TEX11: variants seen among roughly 807,000 people sequenced by gnomAD.
The protein encoded by TEX11 is testis-expressed protein 11.
TEX11 carries 7 observed loss-of-function variants against 84.4 expected under a neutral mutation model. That is an observed-to-expected ratio of 0.08 (90% CI 0.05 to 0.16). The LOEUF is 0.16. TEX11 is among the 10% of genes least tolerant of loss of function. The pLI is 1.00. For synonymous variants in TEX11, 264 were observed against 222.8 expected (o/e 1.18, Z -1.64); for missense variants, 551 against 660.5 (o/e 0.83, Z 1.82).
intron 13 of TEX11, among the ~76,000 whole-genome samples, chrX:70,698,249 G>A (rs949946399): frequency 1.8e-5 from 2 of 110,712 alleles, no homozygotes; most frequent in Admixed American, 9.7e-5. Flanking sequence ...TCACCCTATT[G>A]TGCTACTGAA....
At chrX:70,716,024 C>G (rs1161238831) in intron 13 of TEX11, among the ~76,000 whole-genome samples, 1 of 111,764 alleles carries the variant, frequency 8.9e-6, no homozygotes. Context: ...GGACCCTCAG[C>G]TGCAGGTGCA....
intron 9 of TEX11, among the ~76,000 whole-genome samples, chrX:70,805,503 C>T (rs766507229): frequency 6.8e-4 from 74 of 109,452 alleles, no homozygotes; most frequent in African/African-American, 2.3e-3. Context: ...CTGGTTCAAG[C>T]GATTCTCCTG....
At chrX:70,624,360 A>T (rs1342727556) in intron 19 of TEX11, among the ~76,000 whole-genome samples, 1 of 111,741 alleles carries the variant, frequency 8.9e-6, no homozygotes, top group African/African-American at 3.2e-5. Flanking sequence ...TCTGTAGAGG[A>T]ACTAGAACTG....
At chrX:70,628,377 A>G (rs2089472687) in intron 18 of TEX11, among the ~76,000 whole-genome samples, 1 of 111,645 alleles carries the variant, frequency 9.0e-6, no homozygotes, top group Non-Finnish European at 1.9e-5. Context: ...TTCCTTTAAA[A>G]AAACATTCTT....
chrX:70,623,739 G>C (rs2089420533), intron 20 of TEX11, among the ~76,000 whole-genome samples: 1 of 106,254 alleles, frequency 9.4e-6, no homozygotes, highest in South Asian at 4.0e-4. Context: ...CTTTACAGTT[G>C]GGGAAACTGA....
chrX:70,745,201 G>T (rs2090760965), intron 9 of TEX11, among the ~76,000 whole-genome samples: 1 of 109,412 alleles, frequency 9.1e-6, no homozygotes, highest in Non-Finnish European at 1.9e-5. Context: ...TGAGGGGTTG[G>T]GGAGCAGAGA....
At chrX:70,685,998 A>T (rs2090185622) in intron 13 of TEX11, among the ~76,000 whole-genome samples, 1 of 110,534 alleles carries the variant, frequency 9.0e-6, no homozygotes, top group South Asian at 3.9e-4. Context: ...GATTGCAAAA[A>T]TTTTTTCTCA....
At chrX:70,584,007 C>T (rs1354618566) in intron 25 of TEX11, among the ~76,000 whole-genome samples, 16 of 111,485 alleles carry the variant, frequency 1.4e-4, no homozygotes, top group Admixed American at 6.7e-4. Flanking sequence ...TGGCCGGGCG[C>T]GGTGGCTCAC....
intron 9 of TEX11, among the ~76,000 whole-genome samples, chrX:70,749,096 T>C (rs1004221035): frequency 9.5e-6 from 1 of 105,039 alleles, no homozygotes; most frequent in Non-Finnish European, 1.9e-5. Flanking sequence ...TTTTATTTCA[T>C]TGAGCAGTGG....
intron 13 of TEX11, among the ~76,000 whole-genome samples, chrX:70,699,283 G>T (rs1229083537): frequency 1.8e-5 from 2 of 111,537 alleles, no homozygotes; most frequent in East Asian, 5.6e-4. Context: ...GCCACTATCT[G>T]ACTGCAACCA....
chrX:70,847,346 T>C (rs1247178336), intron 7 of TEX11, among the ~76,000 whole-genome samples: 3 of 111,055 alleles, frequency 2.7e-5, no homozygotes, highest in Admixed American at 1.9e-4. Flanking sequence ...GAAACTGCTT[T>C]CTATGGTCAC....
rs572398725 is a variant in TEX11 at position 70,584,277 on chromosome X, G to A, written c.2140+7474C>T. Reference sequence around the variant, plus strand: ...CGCAGTCTGGCCTGGGCGACAGAGCGAGACTCCGTCTCAAAAAAAAAAAAA... The same window carrying A: ...CGCAGTCTGGCCTGGGCGACAGAGCAAGACTCCGTCTCAAAAAAAAAAAAA... On this transcript the variant is annotated intron_variant, in intron 25 of 29. Transcript: ENST00000374333. Among the ~76,000 whole-genome samples, 22 of 97,287 alleles carry A rather than the reference G, an allele frequency of 2.3e-4. No individual in the cohort carries two copies. The South Asian group carries it at 7.9e-3, about 35-fold the overall frequency. 84.5% of individuals were successfully genotyped at this position (97,287 alleles called of 115,157 possible). A position where few individuals can be genotyped will look rare whatever the true frequency, so the allele number is the denominator to read the frequency against.
At chrX:70,881,005 C>CAAAAAA (rs11284342) in intron 2 of TEX11, among the ~76,000 whole-genome samples, 134 of 46,061 alleles carry the variant, frequency 2.9e-3, no homozygotes, top group Non-Finnish European at 3.8e-3. Context: ...AGACATCATC[C>CAAAAAA]AAAAAAAAAA....
chrX:70,589,757 T>A (rs1337654308), intron 25 of TEX11, among the ~76,000 whole-genome samples: 1 of 111,542 alleles, frequency 9.0e-6, no homozygotes, highest in African/African-American at 3.3e-5. Context: ...CCTGGCCTCA[T>A]GTGATCCACC....
intron 7 of TEX11, among the ~76,000 whole-genome samples, chrX:70,851,575 G>A (rs943428676): frequency 9.2e-5 from 10 of 109,269 alleles, no homozygotes; most frequent in African/African-American, 3.3e-4. Context: ...AAACATTCTG[G>A]CAGTTTCTCA....
chrX:70,743,321 T>A (rs1277300769), intron 10 of TEX11, among the ~76,000 whole-genome samples: 1 of 112,196 alleles, frequency 8.9e-6, no homozygotes, highest in Admixed American at 9.5e-5. Context: ...ATTTTATGCT[T>A]CTCTTTTATT....
rs745410472 is a variant in TEX11, at chrX:70,720,262, C to T, written c.1004+2356G>A. On this transcript the variant is annotated intron_variant, in intron 13 of 29. Coordinates refer to ENST00000374333, the MANE Select transcript of TEX11 (RefSeq NM_031276.3). The stretch of plus-strand genomic sequence containing the variant: ...GAAACCATCATTCTCAGCAAACTAT[C>T]GCAAGGACAAAAAACCAAACACTGC... 2.1e-3 allele frequency among the ~76,000 whole-genome samples: 235 copies of T among 110,904 alleles called. 1 individual carries two copies. The highest frequency in any genetic ancestry group is 7.5e-3 in the African/African-American group (229 of 30,534).
intron 9 of TEX11, among the ~76,000 whole-genome samples, chrX:70,756,355 T>C (rs1408828668): frequency 9.0e-6 from 1 of 111,701 alleles, no homozygotes; most frequent in Non-Finnish European, 1.9e-5. Context: ...GGGAGACACC[T>C]CCCAGTAGGG....
chrX:70,535,926 T>C (rs900441853), intron 28 of TEX11, among the ~76,000 whole-genome samples: 1 of 110,990 alleles, frequency 9.0e-6, no homozygotes, highest in Non-Finnish European at 1.9e-5. Flanking sequence ...TTGTGGTATC[T>C]TGTGCTATTT....
Sources: allele counts gnomAD v4.1 joint callset (sites outside exome capture counted in the v4.1 genomes callset), GRCh38; gene constraint gnomAD v4.1.1; transcripts MANE v1.5; gene names NCBI Gene and HGNC (gene_info 2026-07-23, HGNC 2026-07-21).